POLK: variants seen among roughly 807,000 people sequenced by gnomAD.
POLK encodes DNA polymerase kappa, also known as polymerase (DNA directed) kappa.
A neutral mutation model predicts 94.0 loss-of-function variants in POLK; 76 were observed. The ratio of observed to expected loss-of-function variants is 0.81; its 90% CI spans 0.67 to 0.98. The LOEUF is 0.98. Among genes scored for constraint, POLK ranks in the 50% least tolerant of loss-of-function variants. The pLI is 0.00. For missense variants in POLK, 954 were observed against 1,010.1 expected, an observed-to-expected ratio of 0.94 and a Z score of 0.75; for synonymous variants, 349 against 325.4, an observed-to-expected ratio of 1.07 and a Z score of -0.78.
intron 3 of POLK, among the ~76,000 whole-genome samples, chr5:75,556,856 G>A (rs1232061391): frequency 3.3e-5 from 5 of 152,092 alleles, no homozygotes; most frequent in Non-Finnish European, 7.4e-5. Context: ...GAGCCCAGGG[G>A]TTCAGGACCA....
At chr5:75,585,055 A>G (rs1024399374) in intron 9 of POLK, 129 bp downstream of exon 9, 6 of 655,038 alleles carry the variant, frequency 9.2e-6, no homozygotes, top group Admixed American at 6.0e-5. Flanking sequence ...TCAAAATATA[A>G]TGTTTGAATT....
chr5:75,552,730 A>T (rs1457987599), intron 3 of POLK, 139 bp downstream of exon 3: 1 of 886,832 alleles, frequency 1.1e-6, no homozygotes, highest in East Asian at 2.5e-5. Flanking sequence ...TCAGCAAATG[A>T]ACATACTTTA....
exon 15 of POLK, chr5:75,601,129 A>C (rs565048329): frequency 1.3e-5 from 2 of 152,132 alleles, no homozygotes; most frequent in South Asian, 4.1e-4. Context: ...TAATAAAGAG[A>C]AAAAAATGGC....
At chr5:75,577,460 A>T (rs904248885) in intron 6 of POLK, among the ~76,000 whole-genome samples, 1 of 152,204 alleles carries the variant, frequency 6.6e-6, no homozygotes, top group Non-Finnish European at 1.5e-5. Flanking sequence ...TCAAGACTCC[A>T]GGGTTTTTTT....
At chr5:75,566,282 T>G (rs1771263779) in intron 3 of POLK, among the ~76,000 whole-genome samples, 1 of 152,228 alleles carries the variant, frequency 6.6e-6, no homozygotes, top group East Asian at 1.9e-4. Context: ...TTCAAGCCAG[T>G]GGATCTTAGC....
chr5:75,607,153 G>C, the POLK span, among the ~76,000 whole-genome samples: 4 of 152,160 alleles, frequency 2.6e-5, no homozygotes, highest in African/African-American at 9.7e-5. Context: ...ATGTGACTGA[G>C]TTTTGACTAA....
chr5:75,519,751 G>C (rs1159980526), intron 1 of POLK, among the ~76,000 whole-genome samples: 1 of 152,114 alleles, frequency 6.6e-6, no homozygotes. Context: ...CCTTCACTTA[G>C]AGTGTTATGT....
At chr5:75,600,886 A>G (rs1401772764) in exon 15 of POLK, 1 of 152,196 alleles carries the variant, frequency 6.6e-6, no homozygotes, top group Non-Finnish European at 1.5e-5. Flanking sequence ...ATATAGTTAT[A>G]TATATGAGAT....
chr5:75,524,462 A>T (rs538787290), intron 1 of POLK, among the ~76,000 whole-genome samples: 2 of 152,348 alleles, frequency 1.3e-5, no homozygotes, highest in South Asian at 4.1e-4. Flanking sequence ...CTGTTTAAAC[A>T]TGTGGAATAG....
At chr5:75,535,359 C>T (rs1416258791) in intron 1 of POLK, among the ~76,000 whole-genome samples, 2 of 152,036 alleles carry the variant, frequency 1.3e-5, no homozygotes, top group Non-Finnish European at 2.9e-5. Flanking sequence ...TGTAGGTGCC[C>T]TCCCTCTTCT....
rs559576013 is a variant in POLK, at chr5:75,526,449, T to C, written c.-14+14535T>C. On this transcript the variant is annotated intron_variant, in intron 1 of 14. Coordinates refer to ENST00000241436, the Ensembl canonical transcript of POLK. ...AATTAAACTTTATCCAATCATTCTT[T>C]GTCCCATTTGGTACCCTTTTGTTTG... Among the ~76,000 whole-genome samples, 23 of 152,218 alleles carry C rather than the reference T, an allele frequency of 1.5e-4. No homozygotes were observed. In the Middle Eastern group the frequency reaches 0.01, roughly 68 times the overall value.
chr5:75,552,403 C>CA, intron 2 of POLK, 69 bp from the exon 3 acceptor site: 1 of 1,423,262 alleles, frequency 7.0e-7, no homozygotes, highest in Non-Finnish European at 9.4e-7. Flanking sequence ...CTCTTAGCCA[C>CA]CAGGTTATAC....
At chr5:75,518,621 TTCTTA>T (rs1162508677) in intron 1 of POLK, among the ~76,000 whole-genome samples, 6 of 152,314 alleles carry the variant, frequency 3.9e-5, no homozygotes, top group African/African-American at 1.4e-4. Context: ...TTTACTGCTG[TTCTTA>T]TCTTCATTAT....
At chr5:75,539,648 G>A (rs1000151374) in intron 1 of POLK, among the ~76,000 whole-genome samples, 4 of 151,912 alleles carry the variant, frequency 2.6e-5, no homozygotes, top group Admixed American at 1.3e-4. Flanking sequence ...TATAGAGACA[G>A]GCGTCTTACT....
chr5:75,543,399 T>C (rs771666586), intron 1 of POLK, among the ~76,000 whole-genome samples: 2 of 152,106 alleles, frequency 1.3e-5, no homozygotes, highest in Non-Finnish European at 2.9e-5. Context: ...AAAGCAGAGC[T>C]CACAGGATTT....
At chr5:75,511,093 G>A (rs758991949), upstream of POLK, 13 of 1,528,378 alleles carry the variant, frequency 8.5e-6, no homozygotes, top group Admixed American at 4.2e-5. Context: ...GGGGTCCCTT[G>A]GCACCAGGGG....
intron 2 of POLK, among the ~76,000 whole-genome samples, chr5:75,547,443 AT>A (rs34495262): frequency 2.4e-4 from 35 of 143,728 alleles, no homozygotes; most frequent in East Asian, 1.8e-3. Flanking sequence ...AGGTATTTGG[AT>A]TTTTTTTTTT....
chr5:75,541,100 A>G (rs1444189885), intron 1 of POLK, among the ~76,000 whole-genome samples: 1 of 152,094 alleles, frequency 6.6e-6, no homozygotes, highest in African/African-American at 2.4e-5. Context: ...CCTGAACAAC[A>G]TGGAGAAACC....
Position 75,597,972 on chromosome 5 carries a change from TAAAAC to T in POLK, c.2568_2572del (p.Pro858GlnfsTer7). On this transcript the variant is annotated frameshift_variant, in exon 15 of 15. Transcript: ENST00000241436. LOFTEE classifies it high-confidence loss of function. ...ACAAAGTACTCAACATCAAAGAAAA[TAAAAC>T]CAAACAATCCCAAACATACCCTTGA... 3 of 1,503,372 alleles carry T rather than the reference TAAAAC, an allele frequency of 2.0e-6. No individual in the cohort carries two copies. Among genetic ancestry groups the T allele is most frequent in the Non-Finnish European group, 2.7e-6 (3 of 1,110,232 alleles). 93.1% of individuals were successfully genotyped at this position (1,503,372 alleles called of 1,614,324 possible). A position where few individuals can be genotyped will look rare whatever the true frequency, so the allele number is the denominator to read the frequency against.
Sources: allele counts gnomAD v4.1 joint callset (sites outside exome capture counted in the v4.1 genomes callset), GRCh38; gene constraint gnomAD v4.1.1; transcripts MANE v1.5; gene names NCBI Gene and HGNC (gene_info 2026-07-23, HGNC 2026-07-21).